CALN1: variants seen among roughly 807,000 people sequenced by gnomAD.
CALN1 encodes the protein calcium-binding protein 8.
A neutral mutation model predicts 30.6 loss-of-function variants in CALN1; 17 were observed. That is an observed-to-expected ratio of 0.56 (90% confidence interval 0.38 to 0.83). The LOEUF is 0.83. Ranked by LOEUF, CALN1 falls within the 40% of genes least tolerant of loss-of-function variation. The pLI is 0.00. For missense variants in CALN1, 291 were observed against 354.9 expected, an observed-to-expected ratio of 0.82 and a Z score of 1.45; for synonymous variants, 156 against 131.4, an observed-to-expected ratio of 1.19 and a Z score of -1.28.
chr7:71,889,800 C>T (rs2116874256), intron 5 of CALN1, among the ~76,000 whole-genome samples: 1 of 152,210 alleles, frequency 6.6e-6, no homozygotes, highest in African/African-American at 2.4e-5. Flanking sequence ...ACTAAAAATA[C>T]AAAACTTAGC....
intron 2 of CALN1, among the ~76,000 whole-genome samples, chr7:72,393,264 AC>A (rs762651344): frequency 1.3e-5 from 2 of 152,072 alleles, no homozygotes; most frequent in Non-Finnish European, 2.9e-5. Context: ...CCAGATCAAG[AC>A]CATCCTGGCT....
intron 6 of CALN1, among the ~76,000 whole-genome samples, chr7:71,797,296 T>C (rs952319569): frequency 9.2e-5 from 14 of 152,296 alleles, no homozygotes; most frequent in African/African-American, 3.4e-4. Flanking sequence ...AGTAGCAGTC[T>C]CAACTCAGGT....
At chr7:72,317,054 G>C (rs1401869741) in intron 2 of CALN1, among the ~76,000 whole-genome samples, 1 of 135,316 alleles carries the variant, frequency 7.4e-6, no homozygotes, top group Admixed American at 7.5e-5. Context: ...GAGAGAGAAA[G>C]AGAGAGAGAG....
chr7:72,033,910 A>T (rs1425935738), intron 4 of CALN1, among the ~76,000 whole-genome samples: 1 of 152,148 alleles, frequency 6.6e-6, no homozygotes, highest in African/African-American at 2.4e-5. Flanking sequence ...GAAGGCAGCC[A>T]GTGTGGAGGA....
chr7:72,184,346 C>T (rs1257158152), intron 3 of CALN1, among the ~76,000 whole-genome samples: 1 of 152,174 alleles, frequency 6.6e-6, no homozygotes, highest in Non-Finnish European at 1.5e-5. Context: ...CTCAGTTTCC[C>T]CATCTTTAAA....
intron 3 of CALN1, among the ~76,000 whole-genome samples, chr7:72,215,949 C>T (rs951732507): frequency 2.0e-5 from 3 of 152,088 alleles, no homozygotes; most frequent in African/African-American, 4.8e-5. Flanking sequence ...CGGACCAAGG[C>T]TTTGTCAGAT....
chr7:71,891,393 G>A (rs1007086064), intron 5 of CALN1, among the ~76,000 whole-genome samples: 1 of 152,142 alleles, frequency 6.6e-6, no homozygotes, highest in East Asian at 1.9e-4. Context: ...ATGTTCAAGG[G>A]AGCCTTGTTC....
At chr7:72,134,980 G>C (rs1563086651) in intron 3 of CALN1, among the ~76,000 whole-genome samples, 2 of 152,138 alleles carry the variant, frequency 1.3e-5, no homozygotes, top group Non-Finnish European at 2.9e-5. Context: ...TCTTTACCAG[G>C]AGTAGATTCT....
intron 2 of CALN1, among the ~76,000 whole-genome samples, chr7:72,389,750 T>C (rs1359605681): frequency 1.3e-5 from 2 of 151,936 alleles, no homozygotes; most frequent in Non-Finnish European, 2.9e-5. Context: ...TGAAACCCTG[T>C]CTCTACTAAA....
At chr7:72,361,294 T>G (rs1367059657) in intron 2 of CALN1, among the ~76,000 whole-genome samples, 1 of 152,018 alleles carries the variant, frequency 6.6e-6, no homozygotes, top group East Asian at 1.9e-4. Flanking sequence ...TGCTAAGTAT[T>G]TTGAATACCA....
At chr7:72,293,292 G>T (rs80152323) in intron 2 of CALN1, among the ~76,000 whole-genome samples, 1 of 152,150 alleles carries the variant, frequency 6.6e-6, no homozygotes, top group African/African-American at 2.4e-5. Flanking sequence ...GAACCTCAAA[G>T]TTGAGTTTCC....
chr7:72,211,219 T>C (rs1209003153), intron 3 of CALN1, among the ~76,000 whole-genome samples: 2 of 152,108 alleles, frequency 1.3e-5, no homozygotes, highest in Non-Finnish European at 2.9e-5. Context: ...GACCTCAGTC[T>C]CTGCACCTCT....
chr7:72,126,645 T>C (rs568969107), intron 3 of CALN1, among the ~76,000 whole-genome samples: 9 of 152,228 alleles, frequency 5.9e-5, no homozygotes. Flanking sequence ...AAGTCCATTA[T>C]ATCATGTTTA....
chr7:72,500,200 C>T, the CALN1 span, among the ~76,000 whole-genome samples: 3 of 150,156 alleles, frequency 2.0e-5, no homozygotes, highest in African/African-American at 7.3e-5. Flanking sequence ...ATGTGAGCCA[C>T]CTCGCCCGGC....
At chr7:72,233,426 G>C (rs497195) in intron 3 of CALN1, among the ~76,000 whole-genome samples, 5 of 151,766 alleles carry the variant, frequency 3.3e-5, no homozygotes, top group East Asian at 3.9e-4. Flanking sequence ...TTTCAAGAGA[G>C]AGAAAAAGGC....
At chr7:72,382,676 C>CAAATTATA in intron 2 of CALN1, among the ~76,000 whole-genome samples, 1 of 152,198 alleles carries the variant, frequency 6.6e-6, no homozygotes, top group East Asian at 1.9e-4. Context: ...CACATGTACC[C>CAAATTATA]AATGTTTAGC....
chr7:72,024,460 G>A (rs542484812), intron 4 of CALN1, among the ~76,000 whole-genome samples: 32 of 152,138 alleles, frequency 2.1e-4, no homozygotes, highest in African/African-American at 5.5e-4. Flanking sequence ...GTGCAATGGC[G>A]TGATCTCGGC....
intron 5 of CALN1, among the ~76,000 whole-genome samples, chr7:71,871,555 C>T (rs1791928863): frequency 6.6e-6 from 1 of 152,154 alleles, no homozygotes; most frequent in South Asian, 2.1e-4. Context: ...TTGTGACCAG[C>T]TTGTACAACC....
intron 4 of CALN1, among the ~76,000 whole-genome samples, chr7:72,051,285 TG>T (rs1802822308): frequency 6.6e-6 from 1 of 151,948 alleles, no homozygotes; most frequent in Non-Finnish European, 1.5e-5. Flanking sequence ...AGAAAAGCTA[TG>T]CAGCCACAAA....
Sources: gnomAD v4.1 joint callset for allele counts (sites outside exome capture counted in the v4.1 genomes callset) on GRCh38, gnomAD v4.1.1 for gene constraint, MANE v1.5 for transcripts, NCBI Gene and HGNC (gene_info 2026-07-23, HGNC 2026-07-21) for gene names.